Variants in GPHN observed in about 807,000 individuals in gnomAD.
GPHN encodes the protein gephyrin.
In GPHN, 17 loss-of-function variants were observed where a neutral mutation model predicts 95.5. The ratio of observed to expected loss-of-function variants is 0.18; its 90% CI spans 0.12 to 0.27. The LOEUF (loss-of-function observed/expected upper bound fraction) is 0.27. GPHN is among the 10% of genes least tolerant of loss of function. GPHN has a pLI of 1.00. For synonymous variants in GPHN, 320 were observed against 322.5 expected, an observed-to-expected ratio of 0.99 and a Z score of 0.08; for missense variants, 660 against 978.1, an observed-to-expected ratio of 0.67 and a Z score of 4.34.
At chr14:67,104,038 T>C (rs2077891565) in intron 13 of GPHN, among the ~76,000 whole-genome samples, 1 of 152,182 alleles carries the variant, frequency 6.6e-6, no homozygotes, top group South Asian at 2.1e-4. Flanking sequence ...TGTACACTCA[T>C]TCTTTCTATA....
intron 5 of GPHN, among the ~76,000 whole-genome samples, chr14:66,903,511 T>A (rs1341362830): frequency 6.6e-6 from 1 of 152,158 alleles, no homozygotes; most frequent in Non-Finnish European, 1.5e-5. Context: ...TTTTCACCCC[T>A]TCACTTACAG....
At chr14:67,600,513 C>G in the GPHN span, among the ~76,000 whole-genome samples, 3 of 152,194 alleles carry the variant, frequency 2.0e-5, no homozygotes, top group African/African-American at 7.2e-5. Context: ...GCGGGAGGAT[C>G]GCTTGAGCCT....
chr14:66,757,270 A>C (rs2058591593), intron 2 of GPHN, among the ~76,000 whole-genome samples: 1 of 152,178 alleles, frequency 6.6e-6, no homozygotes, highest in Admixed American at 6.5e-5. Flanking sequence ...GTATATGTAA[A>C]CCTTAATTGC....
At chr14:67,286,614 G>C in the GPHN span, among the ~76,000 whole-genome samples, 1 of 151,954 alleles carries the variant, frequency 6.6e-6, no homozygotes, top group Non-Finnish European at 1.5e-5. Context: ...CTAGCACTTT[G>C]GGAGGCCGAG....
At chr14:66,970,886 G>A (rs973245373) in intron 9 of GPHN, among the ~76,000 whole-genome samples, 1 of 152,130 alleles carries the variant, frequency 6.6e-6, no homozygotes, top group Non-Finnish European at 1.5e-5. Context: ...TACCTCATCT[G>A]GGGGGTGTTG....
chr14:66,569,766 A>C (rs2060606050), intron 1 of GPHN, among the ~76,000 whole-genome samples: 1 of 152,122 alleles, frequency 6.6e-6, no homozygotes, highest in Non-Finnish European at 1.5e-5. Context: ...AATGGAGCTA[A>C]TTAATGTATG....
intron 4 of GPHN, among the ~76,000 whole-genome samples, chr14:66,834,582 G>C (rs1483866133): frequency 1.3e-5 from 2 of 151,270 alleles, no homozygotes; most frequent in African/African-American, 4.9e-5. Context: ...TATTGAACCA[G>C]CCTTGCATCC....
intron 1 of GPHN, among the ~76,000 whole-genome samples, chr14:66,608,828 A>G (rs1396721899): frequency 3.3e-5 from 5 of 151,916 alleles, no homozygotes; most frequent in Non-Finnish European, 7.4e-5. Flanking sequence ...ATTGTTTTCC[A>G]TTTGTATGGC....
chr14:66,680,883 T>G (rs2066895274), intron 1 of GPHN, among the ~76,000 whole-genome samples: 1 of 152,090 alleles, frequency 6.6e-6, no homozygotes, highest in African/African-American at 2.4e-5. Context: ...TATATAGAGT[T>G]GGTGTGCTTA....
At chr14:67,435,015 G>A in the GPHN span, among the ~76,000 whole-genome samples, 1 of 133,922 alleles carries the variant, frequency 7.5e-6, no homozygotes, top group Admixed American at 7.4e-5. Flanking sequence ...CACCCAGGCT[G>A]GAGTGCAATA....
the GPHN span, chr14:67,657,113 C>A: frequency 1.3e-5 from 2 of 152,462 alleles, no homozygotes; most frequent in East Asian, 3.9e-4. Flanking sequence ...AAGCCTCCAG[C>A]ACCTGGTATT....
chr14:67,165,236 A>G lies in GPHN; in HGVS notation c.1975+10A>G, dbSNP rs559208675. On this transcript the variant is annotated intron_variant, in intron 20 of 22. Transcript: ENST00000478722. ...ATCTTTGCACTACCTGGTAAGAATA[A>G]CAAATTGTTTCCTTTCCTTTTTCTG... The G allele has an allele frequency of 1.3e-6, 2 of 1,575,782 alleles. No homozygotes were observed. Among genetic ancestry groups the G allele is most frequent in the Admixed American group, 1.7e-5 (1 of 59,986 alleles).
At chr14:67,386,113 A>G in the GPHN span, 1 of 152,606 alleles carries the variant, frequency 6.6e-6, no homozygotes, top group Admixed American at 6.5e-5. Flanking sequence ...GAAGCCATCA[A>G]ACTAAACGTA....
At chr14:67,124,831 G>A (rs181379504) in intron 17 of GPHN, among the ~76,000 whole-genome samples, 3 of 151,564 alleles carry the variant, frequency 2.0e-5, no homozygotes, top group Admixed American at 2.0e-4. Flanking sequence ...TTTTAAAGAG[G>A]TTACTTAATA....
rs375169045 is a variant in GPHN, at chr14:66,801,807, G to GCTCCCT, written c.202-22647_202-22642dup. Reference sequence around the variant, plus strand: ...ACCATCTATGCCCGCTCCCGCTCCCGCTCCCTCTCCCTCTCCCTCTCCCTC... The same window carrying GCTCCCT: ...ACCATCTATGCCCGCTCCCGCTCCCGCTCCCTCTCCCTCTCCCTCTCCCTCTCCCTC... On this transcript the variant is annotated intron_variant, in intron 3 of 22. Transcript: ENST00000478722. Among the ~76,000 whole-genome samples the GCTCCCT allele has an allele frequency of 5.7e-3, 800 of 141,574 alleles. 8 individuals carry two copies. The highest frequency in any genetic ancestry group is 0.02 in the African/African-American group (750 of 36,940). 92.9% of individuals were successfully genotyped at this position (141,574 alleles called of 152,430 possible). A position where few individuals can be genotyped will look rare whatever the true frequency, so the allele number is the denominator to read the frequency against.
chr14:66,783,936 T>A (rs2059688048), intron 3 of GPHN, among the ~76,000 whole-genome samples: 1 of 151,904 alleles, frequency 6.6e-6, no homozygotes, highest in Non-Finnish European at 1.5e-5. Flanking sequence ...TTAAATAGTC[T>A]CAAATATAAA....
chr14:66,886,451 T>C (rs1009345774), intron 5 of GPHN, among the ~76,000 whole-genome samples: 2 of 152,044 alleles, frequency 1.3e-5, no homozygotes, highest in South Asian at 2.1e-4. Flanking sequence ...ATCATGACAA[T>C]GTACTCAGGA....
intron 1 of GPHN, among the ~76,000 whole-genome samples, chr14:66,615,573 T>A (rs890093791): frequency 4.6e-5 from 7 of 152,030 alleles, no homozygotes; most frequent in Non-Finnish European, 8.8e-5. Flanking sequence ...GGTTATTTTT[T>A]TCTTGTAAAT....
At chr14:66,763,752 G>C (rs912166814) in intron 2 of GPHN, among the ~76,000 whole-genome samples, 1 of 152,064 alleles carries the variant, frequency 6.6e-6, no homozygotes, top group African/African-American at 2.4e-5. Context: ...GTGGTCCATG[G>C]CTGGTTGGGA....
Sources: gnomAD v4.1 joint callset for allele counts (sites outside exome capture counted in the v4.1 genomes callset) on GRCh38, gnomAD v4.1.1 for gene constraint, MANE v1.5 for transcripts, NCBI Gene and HGNC (gene_info 2026-07-23, HGNC 2026-07-21) for gene names.